FLT3: variants seen among roughly 807,000 people sequenced by gnomAD.
FLT3 encodes the protein fms related receptor tyrosine kinase 3.
A neutral mutation model predicts 126.6 loss-of-function variants in FLT3; 46 were observed. The ratio of observed to expected loss-of-function variants is 0.36; its 90% confidence interval spans 0.29 to 0.46. The LOEUF is 0.46. FLT3 is among the 20% of genes least tolerant of loss of function. FLT3 has a pLI of 1.00. For missense variants in FLT3, 1,069 were observed against 1,190.3 expected (o/e 0.90, Z 1.50); for synonymous variants, 404 against 434.4 (o/e 0.93, Z 0.87).
At chr13:28,018,271 G>C (rs1318925983) in intron 20 of FLT3, among the ~76,000 whole-genome samples, 196 bp downstream of exon 20, 1 of 152,130 alleles carries the variant, frequency 6.6e-6, no homozygotes, top group Non-Finnish European at 1.5e-5. Flanking sequence ...ATGCTATTTT[G>C]CTCAGCTTTT....
chr13:28,004,291 TTTGTTTGTTTG>T lies in FLT3; in HGVS notation c.2860-128_2860-118del, dbSNP rs1180526499. The stretch of plus-strand genomic sequence containing the variant: ...GTTGTTCTATATAGACAATTACTTT[TTTGTTTGTTTG>T]TTGTTTGTTTGTTTATTTTTTGAGA... On this transcript the variant is annotated intron_variant, in intron 23 of 23. Coordinates refer to ENST00000241453, the MANE Select transcript of FLT3 (RefSeq NM_004119.3). 4.1e-4 allele frequency: 442 copies of T among 1,088,258 alleles called. 4 individuals carry two copies. The South Asian group carries it at 6.0e-3, about 15-fold the overall frequency. 67.4% of individuals were successfully genotyped at this position (1,088,258 alleles called of 1,614,324 possible). A position where few individuals can be genotyped will look rare whatever the true frequency, so the allele number is the denominator to read the frequency against.
chr13:28,085,642 G>A (rs2137817177), intron 1 of FLT3, among the ~76,000 whole-genome samples: 1 of 152,066 alleles, frequency 6.6e-6, no homozygotes, highest in East Asian at 1.9e-4. Context: ...GGATTGTTAT[G>A]TCCTTTTGAT....
chr13:28,081,904 T>C (rs1878350370), intron 1 of FLT3, among the ~76,000 whole-genome samples: 1 of 136,382 alleles, frequency 7.3e-6, no homozygotes, highest in Non-Finnish European at 1.5e-5. Context: ...TCGCCCAGGC[T>C]GGAGTACAAT....
At position 28,046,699 on chromosome 13, in the gene FLT3, A is replaced by G. The variant is rs139402385; in HGVS notation, c.1205+1576T>C. Among the ~76,000 whole-genome samples, 23 of 152,152 alleles carry G rather than the reference A, an allele frequency of 1.5e-4. 1 individual carries two copies. Among genetic ancestry groups the G allele is most frequent in the Middle Eastern group, 3.4e-3 (1 of 294 alleles). Reference sequence around the variant, plus strand: ...CAGCCTCGACCACCTGGGCTCAATCAATCCTCCAACCTCAGCCTCCCAAGT... The same window carrying G: ...CAGCCTCGACCACCTGGGCTCAATCGATCCTCCAACCTCAGCCTCCCAAGT... On this transcript the variant is annotated intron_variant, in intron 9 of 23. Transcript: ENST00000241453.
intron 5 of FLT3, among the ~76,000 whole-genome samples, chr13:28,052,036 C>G (rs913639110): frequency 1.3e-5 from 2 of 151,802 alleles, no homozygotes; most frequent in African/African-American, 4.9e-5. Context: ...AATCCTTGTC[C>G]TCCCTGTGAA....
chr13:28,042,678 G>T (rs901757052), intron 9 of FLT3, among the ~76,000 whole-genome samples: 1 of 152,094 alleles, frequency 6.6e-6, no homozygotes, highest in Admixed American at 6.5e-5. Flanking sequence ...TCACAGAATG[G>T]CTTCTTAAGA....
chr13:28,081,711 A>C (rs566246078), intron 1 of FLT3, among the ~76,000 whole-genome samples: 52 of 152,242 alleles, frequency 3.4e-4, no homozygotes, highest in African/African-American at 1.2e-3. Flanking sequence ...TTAATTTACT[A>C]TGAAGTATAA....
intron 1 of FLT3, among the ~76,000 whole-genome samples, chr13:28,091,769 T>C (rs1173955736): frequency 2.0e-5 from 3 of 152,036 alleles, no homozygotes; most frequent in African/African-American, 7.2e-5. Context: ...ACCTCATCTC[T>C]ATAAAAATAA....
chr13:28,008,993 T>C (rs1284365614), intron 23 of FLT3, among the ~76,000 whole-genome samples: 6 of 152,176 alleles, frequency 3.9e-5, no homozygotes, highest in African/African-American at 1.4e-4. Flanking sequence ...TTTTATTCTT[T>C]AGAGATGGGA....
At chr13:28,039,425 T>G (rs896275613) in intron 9 of FLT3, among the ~76,000 whole-genome samples, 2 of 151,902 alleles carry the variant, frequency 1.3e-5, no homozygotes, top group African/African-American at 4.8e-5. Flanking sequence ...ATGATCTTGA[T>G]CTCTTGACCT....
At chr13:28,028,681 G>C (rs1873030720) in intron 15 of FLT3, among the ~76,000 whole-genome samples, 1 of 151,854 alleles carries the variant, frequency 6.6e-6, no homozygotes, top group African/African-American at 2.4e-5. Flanking sequence ...TGGGCAACAA[G>C]AGTGAAACTC....
At chr13:28,091,207 CTTTT>C (rs572410744) in intron 1 of FLT3, among the ~76,000 whole-genome samples, 3,495 of 35,658 alleles carry the variant, frequency 0.098, 3 homozygotes, top group Middle Eastern at 0.21. Context: ...GCCCCATTTT[CTTTT>C]TTTTTTTTTT....
chr13:28,073,966 A>G (rs1318653960), intron 1 of FLT3, among the ~76,000 whole-genome samples: 1 of 151,938 alleles, frequency 6.6e-6, no homozygotes, highest in East Asian at 1.9e-4. Context: ...AGAAAAGAAA[A>G]AAAAGAAAAC....
chr13:28,035,392 C>G (rs747911393), intron 12 of FLT3, 103 bp downstream of exon 12: 2 of 1,074,752 alleles, frequency 1.9e-6, no homozygotes, highest in Non-Finnish European at 2.8e-6. Flanking sequence ...ACACACTGAC[C>G]CTATACTCTC....
chr13:28,077,975 C>T (rs1878072621), intron 1 of FLT3, among the ~76,000 whole-genome samples: 1 of 152,230 alleles, frequency 6.6e-6, no homozygotes, highest in South Asian at 2.1e-4. Context: ...GGTCTCACAT[C>T]CAGGGCATGC....
intron 15 of FLT3, 95 bp from the exon 16 acceptor site, chr13:28,028,383 C>T: frequency 3.0e-6 from 2 of 674,668 alleles, no homozygotes; most frequent in East Asian, 2.7e-5. Context: ...AGTCAATCTG[C>T]ATTATTTATT....
At chr13:28,077,773 A>G (rs1398780663) in intron 1 of FLT3, among the ~76,000 whole-genome samples, 1 of 152,104 alleles carries the variant, frequency 6.6e-6, no homozygotes, top group East Asian at 1.9e-4. Flanking sequence ...AGTCCCTTCC[A>G]CCTATGAGCC....
At chr13:28,017,728 G>C (rs534474042) in intron 20 of FLT3, among the ~76,000 whole-genome samples, 33 of 149,396 alleles carry the variant, frequency 2.2e-4, no homozygotes, top group Admixed American at 1.9e-3. Flanking sequence ...GCAGTGGCGC[G>C]ATCTCAGCTC....
intron 1 of FLT3, among the ~76,000 whole-genome samples, chr13:28,089,860 G>C (rs150580639): frequency 6.6e-6 from 1 of 151,050 alleles, no homozygotes; most frequent in Non-Finnish European, 1.5e-5. Flanking sequence ...TCAGCCTCCC[G>C]AGTAACTAGG....
Sources: allele counts gnomAD v4.1 joint callset (sites outside exome capture counted in the v4.1 genomes callset), GRCh38; gene constraint gnomAD v4.1.1; transcripts MANE v1.5; gene names NCBI Gene and HGNC (gene_info 2026-07-23, HGNC 2026-07-21).